The following PPM1H variants were observed in gnomAD, a reference collection of about 807,000 sequenced individuals.
PPM1H encodes protein phosphatase 1H.
PPM1H carries 27 observed loss-of-function variants against 54.9 expected under a neutral mutation model. The observed-to-expected ratio is 0.49, with a 90% CI of 0.36 to 0.68. The LOEUF (loss-of-function observed/expected upper bound fraction) is 0.68, where lower values mean the gene tolerates loss of function less well. Ranked by LOEUF, PPM1H falls within the 30% of genes least tolerant of loss-of-function variation. The probability of loss-of-function intolerance (pLI) is 0.00; values close to 1 mark genes in which losing one functional copy is unlikely to be tolerated. For synonymous variants in PPM1H, 305 were observed against 270.8 expected (o/e 1.13, Z -1.24); for missense variants, 596 against 667.8 (o/e 0.89, Z 1.19).
intron 1 of PPM1H, among the ~76,000 whole-genome samples, chr12:62,871,533 G>A (rs1329050991): frequency 1.4e-5 from 1 of 69,440 alleles, no homozygotes; most frequent in Non-Finnish European, 2.8e-5. Context: ...TTTTTTTTTT[G>A]AGATAGGGTC....
chr12:62,749,580 G>A (rs927759488), intron 4 of PPM1H, among the ~76,000 whole-genome samples: 2 of 152,138 alleles, frequency 1.3e-5, no homozygotes, highest in African/African-American at 2.4e-5. Context: ...CTCTGTAGAT[G>A]CTAATTAATG....
At position 62,650,110 on chromosome 12, in the gene PPM1H, T is replaced by C. The variant is rs117087855; in HGVS notation, c.1398-1474A>G. Among the ~76,000 whole-genome samples the C allele has an allele frequency of 1.4e-3, 206 of 152,268 alleles. 5 individuals are homozygous for C. In the East Asian group the frequency reaches 0.016, roughly 12 times the overall value. The stretch of plus-strand genomic sequence containing the variant: ...ATTTCTTTTGCTAAAATTCACAGAC[T>C]TTCATGTTGAGAACTGCATCATTGT... On this transcript the variant is annotated intron_variant, in intron 9 of 9. Coordinates refer to ENST00000228705, the MANE Select transcript of PPM1H (RefSeq NM_020700.2).
At chr12:62,796,050 C>CTTATGAT (rs2076732268) in intron 3 of PPM1H, among the ~76,000 whole-genome samples, 1 of 152,202 alleles carries the variant, frequency 6.6e-6, no homozygotes, top group Admixed American at 6.5e-5. Context: ...TGTTTTACTT[C>CTTATGAT]CTCAGTGGTG....
chr12:62,911,780 T>C (rs1319652997), intron 1 of PPM1H, among the ~76,000 whole-genome samples: 1 of 152,190 alleles, frequency 6.6e-6, no homozygotes, highest in Non-Finnish European at 1.5e-5. Flanking sequence ...GTCTAACAAA[T>C]TTTGTTTGAA....
intron 2 of PPM1H, among the ~76,000 whole-genome samples, chr12:62,804,036 C>T (rs1382272622): frequency 6.6e-6 from 1 of 152,148 alleles, no homozygotes; most frequent in East Asian, 1.9e-4. Flanking sequence ...TAAGGGGCAT[C>T]TAGGGAAAAC....
At chr12:62,880,676 T>C (rs888408654) in intron 1 of PPM1H, among the ~76,000 whole-genome samples, 2 of 152,232 alleles carry the variant, frequency 1.3e-5, no homozygotes, top group African/African-American at 4.8e-5. Flanking sequence ...AATTGTGTCA[T>C]TCTGCAGACT....
intron 8 of PPM1H, among the ~76,000 whole-genome samples, chr12:62,686,890 C>T (rs556069099): frequency 4.7e-4 from 66 of 140,768 alleles, no homozygotes; most frequent in Middle Eastern, 3.5e-3. Flanking sequence ...AAGGAAACCA[C>T]TCCCTGGCTC....
chr12:62,770,343 G>A (rs181338100), intron 4 of PPM1H, among the ~76,000 whole-genome samples: 25 of 152,194 alleles, frequency 1.6e-4, no homozygotes, highest in Non-Finnish European at 3.1e-4. Context: ...GGCACAGAGA[G>A]GTTAGGCATT....
In PPM1H at chr12:62,658,808, C is replaced by T. The variant is rs572591262; in HGVS notation, c.1397+8370G>A. 1.1e-4 allele frequency: 56 copies of T among 497,868 alleles called. 3 individuals are homozygous for T. Among genetic ancestry groups the T allele is most frequent in the South Asian group, 1.0e-3 (55 of 54,988 alleles). 30.8% of individuals were successfully genotyped at this position (497,868 alleles called of 1,614,324 possible). A position where few individuals can be genotyped will look rare whatever the true frequency, so the allele number is the denominator to read the frequency against. On this transcript the variant is annotated intron_variant, in intron 9 of 9. Coordinates refer to ENST00000228705, the MANE Select transcript of PPM1H (RefSeq NM_020700.2). Reference sequence around the variant, plus strand: ...GAAAGAAAGAAAGAGGGGCCATCTCCTCCTTGGCATCAGGGCCAACTTCAG... The same window carrying T: ...GAAAGAAAGAAAGAGGGGCCATCTCTTCCTTGGCATCAGGGCCAACTTCAG...
Position 62,669,969 on chromosome 12 carries a change from C to CTTTTTTTTTTTTTTTTTT in PPM1H, c.1246-2658_1246-2641dup, listed in dbSNP as rs1161094944. On this transcript the variant is annotated intron_variant, in intron 8 of 9. Coordinates refer to ENST00000228705, the MANE Select transcript of PPM1H (RefSeq NM_020700.2). ...AAAATAGTGTTTAGAGGATTGATTCCTTTTTTTTTTTTTTTTTTTTTTTTT... is the reference window on the plus strand; with the variant it reads ...AAAATAGTGTTTAGAGGATTGATTCCTTTTTTTTTTTTTTTTTTTTTTTTTTTTTTTTTTTTTTTTTTT... Among the ~76,000 whole-genome samples the CTTTTTTTTTTTTTTTTTT allele has an allele frequency of 1.3e-4, 6 of 46,424 alleles. 1 individual carries two copies. Among genetic ancestry groups the CTTTTTTTTTTTTTTTTTT allele is most frequent in the African/African-American group, 6.8e-4 (6 of 8,780 alleles). The allele number at this position is 46,424 out of a possible 152,430, so 30.5% of individuals were successfully genotyped here.
chr12:62,804,886 G>A (rs1418529740), intron 2 of PPM1H, among the ~76,000 whole-genome samples: 1 of 151,372 alleles, frequency 6.6e-6, no homozygotes, highest in African/African-American at 2.4e-5. Flanking sequence ...CGTTTTAGCT[G>A]GGATGGTCTC....
At chr12:62,848,320 A>G (rs1869050729) in intron 1 of PPM1H, among the ~76,000 whole-genome samples, 4 of 152,240 alleles carry the variant, frequency 2.6e-5, no homozygotes, top group Admixed American at 2.6e-4. Context: ...TAAACTTGAT[A>G]TATGAATTAA....
At chr12:62,914,517 T>C (rs979195508) in intron 1 of PPM1H, among the ~76,000 whole-genome samples, 6 of 152,152 alleles carry the variant, frequency 3.9e-5, no homozygotes, top group African/African-American at 1.2e-4. Flanking sequence ...TTTTACCCAA[T>C]AGCAATGACT....
intron 1 of PPM1H, among the ~76,000 whole-genome samples, chr12:62,867,593 T>TTTTTTTTTTTTTTTTTTTTTTA (rs1869827142): frequency 7.6e-6 from 1 of 130,830 alleles, no homozygotes; most frequent in African/African-American, 3.0e-5. Flanking sequence ...TTTTTTTTTT[T>TTTTTTTTTTTTTTTTTTTTTTA]TTGAGACAGA....
Position 62,884,515 on chromosome 12 carries a change from A to AAAAG in PPM1H, c.245+49973_245+49976dup, listed in dbSNP as rs1211884632. 2.4e-3 allele frequency among the ~76,000 whole-genome samples: 351 copies of AAAAG among 146,348 alleles called. 2 individuals carry two copies. Among genetic ancestry groups the AAAAG allele is most frequent in the African/African-American group, 8.4e-3 (316 of 37,598 alleles). The stretch of plus-strand genomic sequence containing the variant: ...AAACTCCATATCAAAAAAAAAAAAA[A>AAAAG]AAAGAAAGAAAGAAAGAGAGAAAAG... On this transcript the variant is annotated intron_variant, in intron 1 of 9. Coordinates refer to ENST00000228705, the MANE Select transcript of PPM1H (RefSeq NM_020700.2).
chr12:62,819,310 T>TA (rs945656133), intron 2 of PPM1H, among the ~76,000 whole-genome samples: 5 of 150,120 alleles, frequency 3.3e-5, no homozygotes, highest in African/African-American at 1.2e-4. Flanking sequence ...TTTGTATTTT[T>TA]AGTAAAGATG....
At position 62,874,498 on chromosome 12, in the gene PPM1H, AT is replaced by A. The variant is rs58540082; in HGVS notation, c.246-42220del. ...CAGCTTGTTGTGGCAGCCAGCTACC[AT>A]TTTTTTTTTTAATGGTTAGCTGTCT... On this transcript the variant is annotated intron_variant, in intron 1 of 9. Coordinates refer to ENST00000228705, the MANE Select transcript of PPM1H (RefSeq NM_020700.2). 1.0e-3 allele frequency among the ~76,000 whole-genome samples: 154 copies of A among 147,934 alleles called. No individual in the cohort carries two copies. In the Middle Eastern group the frequency reaches 0.011, roughly 10 times the overall value.
chr12:62,690,874 G>C (rs2076078955), intron 7 of PPM1H, among the ~76,000 whole-genome samples: 1 of 152,120 alleles, frequency 6.6e-6, no homozygotes, highest in Non-Finnish European at 1.5e-5. Flanking sequence ...TGGAGGCTGA[G>C]GCATGAGAAT....
At chr12:62,690,364 G>A (rs2076076320) in intron 7 of PPM1H, among the ~76,000 whole-genome samples, 1 of 152,158 alleles carries the variant, frequency 6.6e-6, no homozygotes, top group Non-Finnish European at 1.5e-5. Context: ...TATGTTTTAT[G>A]GCTGGAGAAA....
Sources: gnomAD v4.1 joint callset for allele counts (sites outside exome capture counted in the v4.1 genomes callset) on GRCh38, gnomAD v4.1.1 for gene constraint, MANE v1.5 for transcripts, NCBI Gene and HGNC (gene_info 2026-07-23, HGNC 2026-07-21) for gene names.